ZNF33A: variants seen among roughly 807,000 people sequenced by gnomAD.
ZNF33A encodes brain my041 protein.
A neutral mutation model predicts 15.9 loss-of-function variants in ZNF33A; 9 were observed. The observed-to-expected ratio is 0.57, with a 90% CI of 0.34 to 0.99. The LOEUF (loss-of-function observed/expected upper bound fraction) is 0.99. Ranked by LOEUF, ZNF33A falls within the 50% of genes least tolerant of loss-of-function variation. The probability of loss-of-function intolerance (pLI) is 0.02; values close to 1 mark genes in which losing one functional copy is unlikely to be tolerated. For missense variants in ZNF33A, 843 were observed against 941.6 expected (o/e 0.90, Z 1.37); for synonymous variants, 294 against 324.2 (o/e 0.91, Z 1.00).
chr10:38,031,697 G>A (rs1038584423), intron 4 of ZNF33A, among the ~76,000 whole-genome samples: 13 of 151,974 alleles, frequency 8.6e-5, no homozygotes, highest in Non-Finnish European at 1.8e-4. Flanking sequence ...GGGTGCGGTA[G>A]CTCACGCCTA....
chr10:38,022,306 C>T (rs749802715), intron 4 of ZNF33A, among the ~76,000 whole-genome samples: 3 of 152,030 alleles, frequency 2.0e-5, no homozygotes, highest in Non-Finnish European at 4.4e-5. Context: ...AATATCACTC[C>T]ACCATCCATT....
At chr10:38,044,710 C>G (rs2065876190) in intron 4 of ZNF33A, among the ~76,000 whole-genome samples, 2 of 152,012 alleles carry the variant, frequency 1.3e-5, no homozygotes, top group South Asian at 4.2e-4. Context: ...CTCTGTCACC[C>G]AGGCTGGAGT....
At chr10:38,018,295 G>A (rs969499839) in intron 4 of ZNF33A, among the ~76,000 whole-genome samples, 1 of 152,132 alleles carries the variant, frequency 6.6e-6, no homozygotes, top group Non-Finnish European at 1.5e-5. Context: ...AGATTTGAAT[G>A]AAATGACTGT....
chr10:38,047,432 A>G (rs2065995600), intron 4 of ZNF33A, among the ~76,000 whole-genome samples: 1 of 151,744 alleles, frequency 6.6e-6, no homozygotes, highest in Admixed American at 6.6e-5. Context: ...GATCGAGACT[A>G]TGTTGGCCAA....
At position 38,057,044 on chromosome 10, in the gene ZNF33A, C is replaced by T. The variant is rs1346146764; in HGVS notation, c.*484C>T. ...TATAATCATAGTATATGGTCAAGTC[C>T]AAGAAATCGATGTTACCTTGCTGGT... On this transcript the variant is annotated 3_prime_UTR_variant, in exon 5 of 5. Coordinates refer to ENST00000432900, the MANE Select transcript of ZNF33A (RefSeq NM_006954.2). The T allele has an allele frequency of 2.9e-6, 2 of 698,708 alleles. No individual in the cohort carries two copies. The allele number at this position is 698,708 out of a possible 1,614,324, so 43.3% of individuals were successfully genotyped here.
At chr10:38,010,986 A>G (rs2064148724) in intron 1 of ZNF33A, among the ~76,000 whole-genome samples, 1 of 152,136 alleles carries the variant, frequency 6.6e-6, no homozygotes, top group South Asian at 2.1e-4. Flanking sequence ...CAGGGTACGC[A>G]GCGTGTGTCG....
At chr10:38,019,201 G>A (rs2064616722) in intron 4 of ZNF33A, among the ~76,000 whole-genome samples, 1 of 148,750 alleles carries the variant, frequency 6.7e-6, no homozygotes, top group African/African-American at 2.5e-5. Flanking sequence ...TGTTCTCATT[G>A]TTCAATTCTC....
chr10:38,029,298 T>C (rs1349663860), intron 4 of ZNF33A, among the ~76,000 whole-genome samples: 6 of 152,218 alleles, frequency 3.9e-5, no homozygotes, highest in Admixed American at 3.3e-4. Flanking sequence ...CTCTTTCATT[T>C]TGAAGGACTG....
intron 1 of ZNF33A, 128 bp downstream of exon 1, chr10:38,010,911 CGG>C: frequency 1.7e-6 from 2 of 1,187,598 alleles, no homozygotes; most frequent in Non-Finnish European, 2.4e-6. Flanking sequence ...GCGGGGACGG[CGG>C]GGCTGCAGCG....
intron 4 of ZNF33A, among the ~76,000 whole-genome samples, chr10:38,042,471 C>A (rs2065748296): frequency 6.6e-6 from 1 of 151,194 alleles, no homozygotes; most frequent in Non-Finnish European, 1.5e-5. Context: ...CGTGAGCCAC[C>A]ACACCCAGCC....
chr10:38,058,621 A>G lies in ZNF33A; in HGVS notation c.*2061A>G, dbSNP rs1056469983. 1.3e-5 allele frequency: 2 copies of G among 152,088 alleles called. No individual in the cohort carries two copies. Among genetic ancestry groups the G allele is most frequent in the African/African-American group, 2.4e-5 (1 of 41,410 alleles). 9.4% of individuals were successfully genotyped at this position (152,088 alleles called of 1,614,324 possible). A position where few individuals can be genotyped will look rare whatever the true frequency, so the allele number is the denominator to read the frequency against. ...CCCCTATCTACTAAAAATACAAAAA[A>G]TTAGCTGGGCATGGTGGCATGCGTG... is the stretch of plus-strand genomic sequence containing the variant. On this transcript the variant is annotated 3_prime_UTR_variant, in exon 5 of 5. Transcript: ENST00000432900.
Position 38,055,037 on chromosome 10 carries a change from G to A in ZNF33A, c.913G>A (p.Glu305Lys). ...ATCTATGAAACACTATGATTGTGGTGAAAGTGGGAATAATTTCAGGAGGAA... is the reference window on the plus strand; with the variant it reads ...ATCTATGAAACACTATGATTGTGGTAAAAGTGGGAATAATTTCAGGAGGAA... ...GVSMKHYDCGESGNNFRRKLC... is the reference protein window; with the variant it reads ...GVSMKHYDCGKSGNNFRRKLC... The change falls in exon 5 of 5, where the codon GAA (glutamate) becomes AAA (lysine). Residue 305 changes from glutamate to lysine, a missense_variant. Coordinates refer to ENST00000432900, the MANE Select transcript of ZNF33A (RefSeq NM_006954.2). 1 of 1,614,128 alleles carries A rather than the reference G, an allele frequency of 6.2e-7. No individual in the cohort carries two copies. The highest frequency in any genetic ancestry group is 8.5e-7 in the Non-Finnish European group (1 of 1,179,994).
Position 38,056,580 on chromosome 10 carries a change from A to G in ZNF33A, c.*20A>G. The stretch of plus-strand genomic sequence containing the variant: ...CAGTAACTATCCACAAACTCACCTT[A>G]TGTTACTCCAAAGTAATAGTAGGGG... On this transcript the variant is annotated 3_prime_UTR_variant, in exon 5 of 5. Coordinates refer to ENST00000432900, the MANE Select transcript of ZNF33A (RefSeq NM_006954.2). 5 of 1,536,164 alleles carry G rather than the reference A, an allele frequency of 3.3e-6. No homozygotes were observed. The highest frequency in any genetic ancestry group is 4.4e-6 in the Non-Finnish European group (5 of 1,146,898).
intron 4 of ZNF33A, among the ~76,000 whole-genome samples, chr10:38,053,509 T>A (rs2066308206): frequency 6.6e-6 from 1 of 152,162 alleles, no homozygotes; most frequent in Non-Finnish European, 1.5e-5. Context: ...GTCCCCATCT[T>A]CAAATACAGT....
In ZNF33A at chr10:38,010,741, T is replaced by A; in HGVS notation, c.-87T>A. The A allele has an allele frequency of 1.3e-6, 2 of 1,598,490 alleles. No homozygotes were observed. Among genetic ancestry groups the A allele is most frequent in the Non-Finnish European group, 1.7e-6 (2 of 1,179,816 alleles). On this transcript the variant is annotated 5_prime_UTR_variant, in exon 1 of 5. Transcript: ENST00000432900. ...AGGCGGTCCCGGGATTTCAAGGGTCTACGCGCTTTTCTATGGCGAATGCAA... is the reference window on the plus strand; with the variant it reads ...AGGCGGTCCCGGGATTTCAAGGGTCAACGCGCTTTTCTATGGCGAATGCAA...
At chr10:38,016,140 G>A (rs961984621) in intron 2 of ZNF33A, 41 of 612,048 alleles carry the variant, frequency 6.7e-5, no homozygotes, top group Middle Eastern at 4.9e-4. Flanking sequence ...TATGTATTGC[G>A]ATGAAGAAAA....
chr10:38,041,250 T>C (rs1221421984), intron 4 of ZNF33A, among the ~76,000 whole-genome samples: 4 of 152,116 alleles, frequency 2.6e-5, no homozygotes, highest in Admixed American at 2.0e-4. Context: ...TAATTTCTTA[T>C]CCTTCACCCT....
intron 4 of ZNF33A, among the ~76,000 whole-genome samples, chr10:38,030,937 G>A (rs1474641426): frequency 6.6e-6 from 1 of 152,148 alleles, no homozygotes; most frequent in Non-Finnish European, 1.5e-5. Flanking sequence ...TGACAACATA[G>A]AGATGGAGAA....
rs1206275118 is a variant in ZNF33A, at chr10:38,058,084, C to T, written c.*1524C>T. 1 of 969,748 alleles carries T rather than the reference C, an allele frequency of 1.0e-6. No homozygotes were observed. The highest frequency in any genetic ancestry group is 1.1e-4 in the East Asian group (1 of 8,728). The allele number at this position is 969,748 out of a possible 1,614,324, so 60.1% of individuals were successfully genotyped here. On this transcript the variant is annotated 3_prime_UTR_variant, in exon 5 of 5. Coordinates refer to ENST00000432900, the MANE Select transcript of ZNF33A (RefSeq NM_006954.2). ...TCCTAGATTACACAAGTAATCTAAG[C>T]TTCCACTTTAGGAAACTAGAAAAAG...
Sources: gnomAD v4.1 joint callset for allele counts (sites outside exome capture counted in the v4.1 genomes callset) on GRCh38, gnomAD v4.1.1 for gene constraint, MANE v1.5 for transcripts, NCBI Gene and HGNC (gene_info 2026-07-23, HGNC 2026-07-21) for gene names.